Variants in RIMBP2 observed in about 807,000 individuals in gnomAD.
RIMBP2 encodes RIMS-binding protein 2.
A neutral mutation model predicts 118.6 loss-of-function variants in RIMBP2; 48 were observed. The observed-to-expected ratio is 0.40, with a 90% CI of 0.32 to 0.51. The LOEUF (loss-of-function observed/expected upper bound fraction) is 0.51. Ranked by LOEUF, RIMBP2 falls within the 20% of genes least tolerant of loss-of-function variation. RIMBP2 has a pLI of 0.41. For missense variants in RIMBP2, 1,551 were observed against 1,768.3 expected, an observed-to-expected ratio of 0.88 and a Z score of 2.20; for synonymous variants, 762 against 742.9, an observed-to-expected ratio of 1.03 and a Z score of -0.42.
At chr12:130,682,748 A>T (rs1054773651) in intron 1 of RIMBP2, among the ~76,000 whole-genome samples, 12 of 152,224 alleles carry the variant, frequency 7.9e-5, no homozygotes, top group Admixed American at 6.5e-5. Context: ...GGCAGCGCCC[A>T]ATCTCTGCTT....
rs2292672 is a variant in RIMBP2 at position 130,450,358 on chromosome 12, C to T, written c.505-82G>A. On this transcript the variant is annotated intron_variant, in intron 8 of 22. Transcript: ENST00000690449. The surrounding 1 kb of genome is among the most constrained non-coding windows in gnomAD (Gnocchi z 4.8). The stretch of plus-strand genomic sequence containing the variant: ...TCCCGCGGCACACGGGAAAGCCCCT[C>T]GCAGCTTCCTGGGCCCCAGGAGGGA... 95 of 1,069,926 alleles carry T rather than the reference C, an allele frequency of 8.9e-5. No individual in the cohort carries two copies. In the East Asian group the frequency reaches 1.9e-3, roughly 22 times the overall value. The allele number at this position is 1,069,926 out of a possible 1,614,324, so 66.3% of individuals were successfully genotyped here.
At position 130,442,328 on chromosome 12, in the gene RIMBP2, C is replaced by T. The variant is rs2137174642; in HGVS notation, c.1024G>A (p.Gly342Arg). The T allele has an allele frequency of 1.2e-6, 2 of 1,614,238 alleles. No individual in the cohort carries two copies. The highest frequency in any genetic ancestry group is 1.7e-6 in the Non-Finnish European group (2 of 1,180,048). Residue 342 changes from glycine (G) to arginine (R), a missense_variant, in exon 11 of 23, where the codon GGA becomes AGA. Transcript: ENST00000690449. This position sits in a 1 kb window ranked among gnomAD's most constrained non-coding sequence, Gnocchi z 6.9. ...TTGTAGCTGCTCACCGTTCCCCATCCTGGTGGCACCGCCGGGGGCTCCCAG... is the reference window on the plus strand; with the variant it reads ...TTGTAGCTGCTCACCGTTCCCCATCTTGGTGGCACCGCCGGGGGCTCCCAG... The part of the protein sequence containing the change: ...VGWEPPAVPP[G>R]WGTVSSYNVL...
At position 130,491,332 on chromosome 12, in the gene RIMBP2, G is replaced by A. The variant is rs745527424; in HGVS notation, c.-3-12316C>T. ...GCTCAAGCCAGGATTTGCACCTAGC[G>A]AGCCCAGCTCACTCTCCCTCCACTG... is the stretch of plus-strand genomic sequence containing the variant. On this transcript the variant is annotated intron_variant, in intron 4 of 22. Coordinates refer to ENST00000690449, the MANE Select transcript of RIMBP2 (RefSeq NM_001393629.1). 5.9e-5 allele frequency among the ~76,000 whole-genome samples: 9 copies of A among 152,082 alleles called. No individual in the cohort carries two copies. In the East Asian group the frequency reaches 7.7e-4, roughly 13 times the overall value.
rs2058476690 is a variant in RIMBP2, at chr12:130,581,475, G to A, written c.-217+46847C>T. ...CACTGCCCACCCAGCCTGTCCCAGT[G>A]GAGGTCTCAGAGGCATCATAAGAGC... On this transcript the variant is annotated intron_variant, in intron 2 of 22. Transcript: ENST00000690449. This position sits in a 1 kb window ranked among gnomAD's most constrained non-coding sequence, Gnocchi z 4.4. Among the ~76,000 whole-genome samples, 1 of 152,216 alleles carries A rather than the reference G, an allele frequency of 6.6e-6. No individual in the cohort carries two copies. The highest frequency in any genetic ancestry group is 1.5e-5 in the Non-Finnish European group (1 of 68,040).
chr12:130,562,895 AG>A (rs2139921565), intron 2 of RIMBP2, among the ~76,000 whole-genome samples: 1 of 152,334 alleles, frequency 6.6e-6, no homozygotes, highest in Admixed American at 6.5e-5. Context: ...TTTGAAAGGC[AG>A]GGGAAAATCA....
intron 21 of RIMBP2, among the ~76,000 whole-genome samples, chr12:130,401,757 C>A (rs2074601284): frequency 6.6e-6 from 1 of 152,068 alleles, no homozygotes; most frequent in Admixed American, 6.5e-5. Context: ...AAAGTTATAA[C>A]CAGTCAAGTC....
chr12:130,536,278 C>T (rs1330042155), intron 2 of RIMBP2, among the ~76,000 whole-genome samples: 1 of 152,124 alleles, frequency 6.6e-6, no homozygotes, highest in Non-Finnish European at 1.5e-5. Context: ...CAGACATCAT[C>T]CCCTGGTTAT....
chr12:130,510,116 C>A (rs959985589), intron 3 of RIMBP2, among the ~76,000 whole-genome samples: 2 of 152,226 alleles, frequency 1.3e-5, no homozygotes, highest in East Asian at 3.9e-4. Context: ...TGCGGACAGG[C>A]TGCCGTTCCA....
intron 7 of RIMBP2, among the ~76,000 whole-genome samples, chr12:130,452,802 A>C (rs557845290): frequency 6.6e-6 from 1 of 152,322 alleles, no homozygotes; most frequent in African/African-American, 2.4e-5. Flanking sequence ...ACACCGCGCC[A>C]CAGTGAACAG....
rs1434987970 is a variant in RIMBP2, at chr12:130,648,273, C to T, written c.-351-19817G>A. Reference sequence around the variant, plus strand: ...AAGAGGAAACAGACACGAACTCTCACTTCTCAAATGCCCTAAAAACATGGT... The same window carrying T: ...AAGAGGAAACAGACACGAACTCTCATTTCTCAAATGCCCTAAAAACATGGT... On this transcript the variant is annotated intron_variant, in intron 1 of 22. Coordinates refer to ENST00000690449, the MANE Select transcript of RIMBP2 (RefSeq NM_001393629.1). Among the ~76,000 whole-genome samples, 2 of 145,972 alleles carry T rather than the reference C, an allele frequency of 1.4e-5. 1 individual carries two copies. The highest frequency in any genetic ancestry group is 1.4e-4 in the Admixed American group (2 of 14,540).
At chr12:130,616,111 T>C (rs1010757154) in intron 2 of RIMBP2, among the ~76,000 whole-genome samples, 7 of 152,136 alleles carry the variant, frequency 4.6e-5, no homozygotes, top group Admixed American at 1.3e-4. Flanking sequence ...CAAGAAGGGA[T>C]GTCTGATGTT....
chr12:130,402,353 C>T (rs1462830360), intron 21 of RIMBP2, among the ~76,000 whole-genome samples: 1 of 152,074 alleles, frequency 6.6e-6, no homozygotes, highest in Admixed American at 6.6e-5. Flanking sequence ...AAGGCTCCCC[C>T]AGACGACATT....
chr12:130,430,986 C>G (rs868271367), intron 14 of RIMBP2, among the ~76,000 whole-genome samples: 1 of 152,078 alleles, frequency 6.6e-6, no homozygotes, highest in Non-Finnish European at 1.5e-5. Context: ...GACGTACACC[C>G]GGAACATAGA....
At position 130,434,716 on chromosome 12, in the gene RIMBP2, G is replaced by T; in HGVS notation, c.2253+18C>A. On this transcript the variant is annotated intron_variant, in intron 14 of 22. Transcript: ENST00000690449. The surrounding 1 kb of genome is among the most constrained non-coding windows in gnomAD (Gnocchi z 5.7). ...CGCGCCCACCAGGAGGATGGTGTGG[G>T]GCCCGGCCCGCTCTCACCTGCTTGC... 6.2e-7 allele frequency: 1 copy of T among 1,608,474 alleles called. No homozygotes were observed. The highest frequency in any genetic ancestry group is 1.9e-4 in the Middle Eastern group (1 of 5,252).
At position 130,670,894 on chromosome 12, in the gene RIMBP2, C is replaced by T. The variant is rs2064166022; in HGVS notation, c.-351-42438G>A. Among the ~76,000 whole-genome samples the T allele has an allele frequency of 6.6e-6, 1 of 152,170 alleles. No homozygotes were observed. Among genetic ancestry groups the T allele is most frequent in the South Asian group, 2.1e-4 (1 of 4,830 alleles). ...GTTCAAGCAATTCTCCTACCTCAGC[C>T]TCCTGAGTGGCTGGGATTACAGGTG... is the stretch of plus-strand genomic sequence containing the variant. On this transcript the variant is annotated intron_variant, in intron 1 of 22. Coordinates refer to ENST00000690449, the MANE Select transcript of RIMBP2 (RefSeq NM_001393629.1). This position sits in a 1 kb window ranked among gnomAD's most constrained non-coding sequence, Gnocchi z 4.9.
chr12:130,522,050 T>C (rs1434264707), intron 2 of RIMBP2, among the ~76,000 whole-genome samples: 1 of 152,190 alleles, frequency 6.6e-6, no homozygotes, highest in East Asian at 1.9e-4. Flanking sequence ...CTTATGCCCA[T>C]CAGAGCATTC....
intron 2 of RIMBP2, among the ~76,000 whole-genome samples, chr12:130,565,660 A>C (rs2057162681): frequency 1.3e-5 from 2 of 151,938 alleles, no homozygotes; most frequent in Non-Finnish European, 2.9e-5. Flanking sequence ...TACAAAGCCC[A>C]CTCCTTGTCC....
chr12:130,631,913 G>A (rs527633623), intron 1 of RIMBP2, among the ~76,000 whole-genome samples: 1 of 152,216 alleles, frequency 6.6e-6, no homozygotes, highest in South Asian at 2.1e-4. Flanking sequence ...TGTCTGGCTT[G>A]GGAACTCACT....
intron 2 of RIMBP2, among the ~76,000 whole-genome samples, chr12:130,545,016 A>C (rs2054978848): frequency 6.6e-6 from 1 of 152,206 alleles, no homozygotes; most frequent in Non-Finnish European, 1.5e-5. Context: ...GACAGGATTC[A>C]AGCATTTGTT....
Sources: allele counts gnomAD v4.1 joint callset (sites outside exome capture counted in the v4.1 genomes callset), GRCh38; gene constraint gnomAD v4.1.1; non-coding constraint Gnocchi (gnomAD v3.1); transcripts MANE v1.5; gene names NCBI Gene and HGNC (gene_info 2026-07-23, HGNC 2026-07-21).